The following HSPA12A variants were observed in gnomAD, a reference collection of about 807,000 sequenced individuals.
HSPA12A encodes the protein heat shock protein family A (Hsp70) member 12A.
In HSPA12A, 28 loss-of-function variants were observed where a neutral mutation model predicts 69.2. The observed-to-expected ratio is 0.40, with a 90% CI of 0.30 to 0.55. The LOEUF is 0.55. Ranked by LOEUF, HSPA12A falls within the 20% of genes least tolerant of loss-of-function variation. The pLI is 0.38. For missense variants in HSPA12A, 686 were observed against 900.7 expected (o/e 0.76, Z 3.05); for synonymous variants, 345 against 370.5 (o/e 0.93, Z 0.79).
chr10:116,769,503 G>A (rs528063237), intron 2 of HSPA12A, among the ~76,000 whole-genome samples: 2 of 152,260 alleles, frequency 1.3e-5, no homozygotes, highest in South Asian at 4.1e-4. Flanking sequence ...AAAGCACCAG[G>A]ATGTTGCTCT....
chr10:116,740,080 AC>A (rs1851434591), intron 1 of HSPA12A, among the ~76,000 whole-genome samples: 1 of 152,130 alleles, frequency 6.6e-6, no homozygotes, highest in Non-Finnish European at 1.5e-5. Flanking sequence ...AGGAAGCACA[AC>A]CATTTTTTTA....
At chr10:116,769,673 T>C (rs570355265) in intron 2 of HSPA12A, among the ~76,000 whole-genome samples, 46 of 152,258 alleles carry the variant, frequency 3.0e-4, no homozygotes, top group African/African-American at 1.0e-3. Context: ...ACATGCTAAT[T>C]AGGTTTAGGC....
rs782666901 is a variant in HSPA12A, at chr10:116,681,816, T to C, written c.897A>G (p.Gly299=). Residue 299 remains glycine, a synonymous_variant, in exon 8 of 12, where the codon GGA becomes GGG. Coordinates refer to ENST00000369209, the MANE Select transcript of HSPA12A (RefSeq NM_025015.3). ...SRTFLVENVI[G]EIWSELEEGD... ...CTTCCTCCAGCTCGGACCAGATTTC[T>C]CCTATGACATTCTCCACCAAAAAGG... 8.1e-6 allele frequency: 13 copies of C among 1,613,970 alleles called. No individual in the cohort carries two copies. In the South Asian group the frequency reaches 1.2e-4, roughly 15 times the overall value.
upstream of HSPA12A, among the ~76,000 whole-genome samples, chr10:116,745,248 C>T (rs1162877238): frequency 2.0e-5 from 3 of 152,248 alleles, no homozygotes; most frequent in African/African-American, 2.4e-5. Flanking sequence ...ATCCTTGATG[C>T]TTGACTGGCT....
intron 2 of HSPA12A, among the ~76,000 whole-genome samples, chr10:116,818,125 A>T (rs1845342625): frequency 6.6e-6 from 1 of 152,146 alleles, no homozygotes; most frequent in South Asian, 2.1e-4. Flanking sequence ...GGCCTCTCCA[A>T]CTAGGAAGAC....
chr10:116,740,168 G>A (rs1328212674), intron 1 of HSPA12A, among the ~76,000 whole-genome samples: 1 of 152,218 alleles, frequency 6.6e-6, no homozygotes, highest in African/African-American at 2.4e-5. Context: ...GAATCAGATG[G>A]CCTGGGTCCC....
chr10:116,707,660 A>C (rs1380130097), intron 1 of HSPA12A, among the ~76,000 whole-genome samples: 5 of 152,136 alleles, frequency 3.3e-5, no homozygotes, highest in African/African-American at 7.2e-5. Context: ...TAGCCACCTG[A>C]AATTATGTCA....
intron 1 of HSPA12A, among the ~76,000 whole-genome samples, chr10:116,713,539 C>T (rs1030889756): frequency 6.6e-6 from 1 of 152,164 alleles, no homozygotes; most frequent in African/African-American, 2.4e-5. Flanking sequence ...GTTACCCCTC[C>T]TACCTCCCTG....
At chr10:116,705,882 TTCTCTCTCTCC>T (rs1238722850) in intron 2 of HSPA12A, among the ~76,000 whole-genome samples, 35 of 149,634 alleles carry the variant, frequency 2.3e-4, no homozygotes, top group African/African-American at 8.6e-4. Context: ...TTCCAAGCCT[TTCTCTCTCTCC>T]TTTTTTTTTT....
rs1849218398 is a variant in HSPA12A at position 116,675,695 on chromosome 10, G to C, written c.1391-277C>G. 6.6e-6 allele frequency among the ~76,000 whole-genome samples: 1 copy of C among 152,238 alleles called. No individual in the cohort carries two copies. The stretch of plus-strand genomic sequence containing the variant: ...GATAATTTTAAGTAGAATTTGGTTT[G>C]CATAAATGAATACTCCTAAAGCTCT... On this transcript the variant is annotated intron_variant, in intron 11 of 11. Coordinates refer to ENST00000369209, the MANE Select transcript of HSPA12A (RefSeq NM_025015.3). This position sits in a 1 kb window ranked among gnomAD's most constrained non-coding sequence, Gnocchi z 5.2.
At chr10:116,802,861 CAGA>C (rs1844987878) in intron 2 of HSPA12A, among the ~76,000 whole-genome samples, 2 of 152,224 alleles carry the variant, frequency 1.3e-5, no homozygotes, top group Non-Finnish European at 1.5e-5. Context: ...CAAGTCTGAA[CAGA>C]AGTTTGAAGA....
At chr10:116,786,272 A>C (rs1844575171) in intron 2 of HSPA12A, among the ~76,000 whole-genome samples, 1 of 152,162 alleles carries the variant, frequency 6.6e-6, no homozygotes, top group Admixed American at 6.5e-5. Context: ...CTGAATTCCT[A>C]AGTTTAACTA....
chr10:116,752,008 TG>T (rs1851786765), intron 2 of HSPA12A, among the ~76,000 whole-genome samples: 2 of 152,390 alleles, frequency 1.3e-5, no homozygotes, highest in African/African-American at 4.8e-5. Context: ...CTTTTCTTTA[TG>T]AATCACCTAG....
rs782359360 is a variant in HSPA12A at position 116,683,684 on chromosome 10, GA to G, written c.835+106del. 1.5e-5 allele frequency: 18 copies of G among 1,179,630 alleles called. No individual in the cohort carries two copies. In the South Asian group the frequency reaches 3.7e-4, roughly 24 times the overall value. The allele number at this position is 1,179,630 out of a possible 1,614,324, so 73.1% of individuals were successfully genotyped here. A position where few individuals can be genotyped will look rare whatever the true frequency, so the allele number is the denominator to read the frequency against. ...AGCCCACCTCCTCCCGGAGTATCCT[GA>G]TTCTTCATTATGGCACTAAGTGCCT... On this transcript the variant is annotated intron_variant, in intron 7 of 11. Transcript: ENST00000369209.
intron 3 of HSPA12A, among the ~76,000 whole-genome samples, 193 bp downstream of exon 3, chr10:116,704,958 G>C (rs782024610): frequency 4.6e-5 from 7 of 152,168 alleles, no homozygotes; most frequent in Non-Finnish European, 8.8e-5. Flanking sequence ...TCAAACCAAC[G>C]TCTTTTCAAA....
At chr10:116,819,698 G>C (rs1270828472) in intron 2 of HSPA12A, among the ~76,000 whole-genome samples, 3 of 152,194 alleles carry the variant, frequency 2.0e-5, no homozygotes, top group Non-Finnish European at 2.9e-5. Context: ...GGCTATGATA[G>C]GTGGGTAAGA....
At chr10:116,680,929 T>C (rs1210325949) in intron 9 of HSPA12A, among the ~76,000 whole-genome samples, 1 of 152,234 alleles carries the variant, frequency 6.6e-6, no homozygotes, top group Non-Finnish European at 1.5e-5. Context: ...TGAAACAGGC[T>C]CGCTTTAGGC....
intron 2 of HSPA12A, among the ~76,000 whole-genome samples, chr10:116,802,577 C>A (rs549121713): frequency 1.3e-5 from 2 of 152,236 alleles, no homozygotes; most frequent in African/African-American, 4.8e-5. Flanking sequence ...GAATGTGTTA[C>A]TTTTATAATT....
intron 2 of HSPA12A, among the ~76,000 whole-genome samples, chr10:116,775,746 G>T (rs1268389777): frequency 7.2e-5 from 11 of 152,174 alleles, no homozygotes; most frequent in African/African-American, 2.7e-4. Context: ...GGGCACAGAA[G>T]TAACAGGGGG....
Sources: allele counts gnomAD v4.1 joint callset (sites outside exome capture counted in the v4.1 genomes callset), GRCh38; gene constraint gnomAD v4.1.1; non-coding constraint Gnocchi (gnomAD v3.1); transcripts MANE v1.5; gene names NCBI Gene and HGNC (gene_info 2026-07-23, HGNC 2026-07-21).